EPHA5: variants seen among roughly 807,000 people sequenced by gnomAD.
The protein encoded by EPHA5 is ephrin type-A receptor 5.
EPHA5 carries 60 observed loss-of-function variants against 105.0 expected under a neutral mutation model. The ratio of observed to expected loss-of-function variants is 0.57; its 90% CI spans 0.46 to 0.71. EPHA5 has a LOEUF of 0.71. Among genes scored for constraint, EPHA5 ranks in the 30% least tolerant of loss-of-function variants. EPHA5 has a pLI of 0.00. For synonymous variants in EPHA5, 513 were observed against 449.1 expected (o/e 1.14, Z -1.80); for missense variants, 1,218 against 1,274.7 (o/e 0.96, Z 0.68).
intron 3 of EPHA5, among the ~76,000 whole-genome samples, chr4:65,514,165 T>G (rs75960166): frequency 0.15 from 22,776 of 152,072 alleles, 2,003 homozygotes; most frequent in Middle Eastern, 0.27. Flanking sequence ...TGCTCCTTAT[T>G]GCACCTTCCA....
chr4:65,526,748 T>TG (rs1428424357), intron 3 of EPHA5, among the ~76,000 whole-genome samples: 3 of 152,002 alleles, frequency 2.0e-5, no homozygotes, highest in East Asian at 3.9e-4. Flanking sequence ...ATTATATCAC[T>TG]CATATAACAA....
intron 8 of EPHA5, among the ~76,000 whole-genome samples, chr4:65,391,358 A>G (rs974350236): frequency 7.9e-5 from 12 of 152,102 alleles, no homozygotes; most frequent in Non-Finnish European, 1.8e-4. Flanking sequence ...GCTGCTTGAG[A>G]TTGAGTTGCT....
intron 5 of EPHA5, among the ~76,000 whole-genome samples, chr4:65,444,274 T>C (rs892433288): frequency 6.6e-6 from 1 of 152,190 alleles, no homozygotes; most frequent in Non-Finnish European, 1.5e-5. Flanking sequence ...ATATCTATCC[T>C]TAAGTTGTTA....
chr4:65,475,225 C>T (rs1196387467), intron 5 of EPHA5, among the ~76,000 whole-genome samples: 2 of 152,054 alleles, frequency 1.3e-5, no homozygotes, highest in South Asian at 4.1e-4. Context: ...ACTCTAAAGA[C>T]GATGCATGCT....
intron 1 of EPHA5, among the ~76,000 whole-genome samples, chr4:65,652,813 AT>A (rs1391133350): frequency 6.6e-6 from 1 of 152,084 alleles, no homozygotes; most frequent in African/African-American, 2.4e-5. Flanking sequence ...GAAAAATCAC[AT>A]TTTCTAATCA....
intron 16 of EPHA5, among the ~76,000 whole-genome samples, chr4:65,325,011 A>T (rs1372843146): frequency 6.6e-6 from 1 of 151,448 alleles, no homozygotes; most frequent in Non-Finnish European, 1.5e-5. Flanking sequence ...ATGTTTAGGA[A>T]TGCTATTCCC....
chr4:65,531,566 A>C (rs1735802066), intron 3 of EPHA5, among the ~76,000 whole-genome samples: 1 of 151,124 alleles, frequency 6.6e-6, no homozygotes, highest in South Asian at 2.1e-4. Context: ...AAGAGGATAT[A>C]CTGAGATGTC....
intron 5 of EPHA5, among the ~76,000 whole-genome samples, chr4:65,440,288 A>T (rs1418282159): frequency 6.6e-6 from 1 of 152,034 alleles, no homozygotes; most frequent in Non-Finnish European, 1.5e-5. Context: ...TGAATTCATT[A>T]AAAAGTTTCT....
At chr4:65,334,615 T>G (rs775144454) in intron 15 of EPHA5, among the ~76,000 whole-genome samples, 5 of 152,056 alleles carry the variant, frequency 3.3e-5, no homozygotes, top group Non-Finnish European at 5.9e-5. Flanking sequence ...AGTCAGGATA[T>G]GCACATGACT....
intron 8 of EPHA5, among the ~76,000 whole-genome samples, chr4:65,392,685 G>A (rs190170500): frequency 1.3e-5 from 2 of 152,050 alleles, no homozygotes; most frequent in East Asian, 1.9e-4. Context: ...GGGATCAAAA[G>A]GATTATATTT....
chr4:65,644,212 A>ACT (rs1747922469), intron 1 of EPHA5, among the ~76,000 whole-genome samples: 1 of 151,784 alleles, frequency 6.6e-6, no homozygotes, highest in Non-Finnish European at 1.5e-5. Context: ...ATCTACACAC[A>ACT]CACACACCCC....
intron 3 of EPHA5, among the ~76,000 whole-genome samples, chr4:65,565,691 T>TA (rs1036131586): frequency 3.0e-3 from 437 of 146,042 alleles, no homozygotes; most frequent in African/African-American, 9.3e-3. Flanking sequence ...AAATAGCCAT[T>TA]AAAAAAAAAA....
At chr4:65,418,628 G>A (rs1723621895) in intron 6 of EPHA5, among the ~76,000 whole-genome samples, 3 of 152,010 alleles carry the variant, frequency 2.0e-5, no homozygotes, top group African/African-American at 2.4e-5. Context: ...CTAGAAAGAT[G>A]ACTATTTCAA....
chr4:65,460,941 T>C (rs768866167), intron 5 of EPHA5, among the ~76,000 whole-genome samples: 2 of 151,886 alleles, frequency 1.3e-5, no homozygotes, highest in African/African-American at 2.4e-5. Flanking sequence ...TAATTTAATG[T>C]GGTTAATCAT....
At chr4:65,588,979 T>C (rs1258506175) in intron 3 of EPHA5, among the ~76,000 whole-genome samples, 7 of 152,192 alleles carry the variant, frequency 4.6e-5, no homozygotes, top group African/African-American at 1.7e-4. Flanking sequence ...CTTTAAACTT[T>C]TAAATCTAAC....
chr4:65,321,779 C>A lies in EPHA5; in HGVS notation c.*2335G>T, dbSNP rs1337061966. 1 of 227,520 alleles carries A rather than the reference C, an allele frequency of 4.4e-6. No individual in the cohort carries two copies. Among genetic ancestry groups the A allele is most frequent in the African/African-American group, 2.2e-5 (1 of 45,014 alleles). 14.1% of individuals were successfully genotyped at this position (227,520 alleles called of 1,614,324 possible). On this transcript the variant is annotated 3_prime_UTR_variant, in exon 17 of 17. Coordinates refer to ENST00000613740, the MANE Select transcript of EPHA5 (RefSeq NM_001281766.3). ...CCCGGACCTCCTAATTATCTTTCAG[C>A]ATATAAAGTTGGAAAACAATGTAGA...
chr4:65,457,711 T>C (rs1395752916), intron 5 of EPHA5, among the ~76,000 whole-genome samples: 1 of 152,104 alleles, frequency 6.6e-6, no homozygotes, highest in Non-Finnish European at 1.5e-5. Context: ...TAAGCACAGC[T>C]AAGCACCTAC....
chr4:65,618,479 C>T (rs1745435982), intron 2 of EPHA5, among the ~76,000 whole-genome samples: 1 of 152,064 alleles, frequency 6.6e-6, no homozygotes, highest in Non-Finnish European at 1.5e-5. Context: ...ATCAGTGTCT[C>T]TTTAATTAAT....
intron 2 of EPHA5, among the ~76,000 whole-genome samples, chr4:65,628,978 A>T (rs1746394128): frequency 6.6e-6 from 1 of 152,204 alleles, no homozygotes; most frequent in Non-Finnish European, 1.5e-5. Context: ...CATAAAGTAT[A>T]TGCACACCAT....
Sources: gnomAD v4.1 joint callset for allele counts (sites outside exome capture counted in the v4.1 genomes callset) on GRCh38, gnomAD v4.1.1 for gene constraint, MANE v1.5 for transcripts, NCBI Gene and HGNC (gene_info 2026-07-23, HGNC 2026-07-21) for gene names.